Variants in OR51B5 observed in about 807,000 individuals in gnomAD.
The protein encoded by OR51B5 is olfactory receptor family 51 subfamily B member 5.
For missense variants in OR51B5, 456 were observed against 374.6 expected (o/e 1.22, Z -1.79); for synonymous variants, 186 against 144.8 (o/e 1.28, Z -2.04).
chr11:5,407,388 A>T (rs932128434), intron 1 of OR51B5, among the ~76,000 whole-genome samples: 2 of 152,280 alleles, frequency 1.3e-5, no homozygotes, highest in Admixed American at 6.5e-5. Flanking sequence ...TGCCTTAAAT[A>T]CATGAAACTT....
intron 1 of OR51B5, among the ~76,000 whole-genome samples, chr11:5,399,332 A>G (rs1017570539): frequency 1.4e-4 from 22 of 152,134 alleles, no homozygotes; most frequent in African/African-American, 5.3e-4. Flanking sequence ...ACTGTGATTG[A>G]CTCCTGAGAA....
At chr11:5,351,121 G>A (rs919408959) in intron 1 of OR51B5, among the ~76,000 whole-genome samples, 4 of 152,124 alleles carry the variant, frequency 2.6e-5, no homozygotes, top group Non-Finnish European at 4.4e-5. Context: ...TCAGGATGAA[G>A]AGCACCATGA....
chr11:5,389,854 A>C, intron 1 of OR51B5: 2 of 1,613,798 alleles, frequency 1.2e-6, no homozygotes, highest in Non-Finnish European at 8.5e-7. Context: ...CTGGCCAGCA[A>C]GTGGTCAGAG....
In OR51B5 at chr11:5,413,677, G is replaced by A. The variant is rs373437026; in HGVS notation, n.85-66767C>T. Among the ~76,000 whole-genome samples, 9 of 152,298 alleles carry A rather than the reference G, an allele frequency of 5.9e-5. No individual in the cohort carries two copies. The East Asian group carries it at 1.5e-3, about 26-fold the overall frequency. On this transcript the variant is annotated intron_variant and non_coding_transcript_variant, in intron 1 of 4. Transcript: ENST00000415970. ...CCAATGCAATCAACTGGAAGAAAGG[G>A]TATCAGTGATGGAAGATGAAATGAA...
At chr11:5,352,992 T>C (rs4910759) in intron 1 of OR51B5, among the ~76,000 whole-genome samples, 143,492 of 150,960 alleles carry the variant, frequency 0.95, 68,597 homozygotes, top group Non-Finnish European at 0.98. Flanking sequence ...TCCATATGGC[T>C]TGCATATATT....
chr11:5,467,039 T>C (rs1851148074), intron 1 of OR51B5, among the ~76,000 whole-genome samples: 1 of 152,206 alleles, frequency 6.6e-6, no homozygotes, highest in Non-Finnish European at 1.5e-5. Flanking sequence ...TTGGAAGAGC[T>C]CATTTGCTGG....
intron 1 of OR51B5, among the ~76,000 whole-genome samples, chr11:5,413,396 A>T (rs1757210169): frequency 6.6e-6 from 1 of 152,220 alleles, no homozygotes; most frequent in African/African-American, 2.4e-5. Flanking sequence ...CCTCCAAAGG[A>T]ATGCAGTTCT....
At chr11:5,422,509 T>C (rs2736587) in intron 1 of OR51B5, 648,474 of 1,613,270 alleles carry the variant, frequency 0.4, 133,881 homozygotes, top group East Asian at 0.68. Flanking sequence ...TTGCTCAGTT[T>C]TTCTTCCTTC....
intron 1 of OR51B5, among the ~76,000 whole-genome samples, chr11:5,442,372 G>A (rs1850702981): frequency 6.6e-6 from 1 of 152,258 alleles, no homozygotes; most frequent in African/African-American, 2.4e-5. Context: ...TTCTGAGAAA[G>A]AGATTTCTCT....
chr11:5,404,805 G>A (rs1485433625), intron 1 of OR51B5, among the ~76,000 whole-genome samples: 1 of 152,200 alleles, frequency 6.6e-6, no homozygotes, highest in Non-Finnish European at 1.5e-5. Flanking sequence ...ATGAACACCT[G>A]CAGATGCACC....
intron 1 of OR51B5, among the ~76,000 whole-genome samples, chr11:5,425,350 G>C (rs997391608): frequency 1.3e-4 from 20 of 152,318 alleles, no homozygotes; most frequent in Admixed American, 3.9e-4. Flanking sequence ...ATAATGTCTT[G>C]ATGAGCGATA....
intron 1 of OR51B5, chr11:5,393,316 A>T (rs1402709294): frequency 1.3e-5 from 2 of 152,236 alleles, no homozygotes; most frequent in African/African-American, 2.4e-5. Flanking sequence ...ATCAAAGCAT[A>T]TTCATTTGAT....
At chr11:5,494,938 A>G (rs1246417047) in intron 1 of OR51B5, among the ~76,000 whole-genome samples, 2 of 152,222 alleles carry the variant, frequency 1.3e-5, no homozygotes, top group African/African-American at 4.8e-5. Context: ...ACAGCAGGTG[A>G]TATGGACAAC....
intron 1 of OR51B5, among the ~76,000 whole-genome samples, chr11:5,406,960 C>T (rs4910782): frequency 0.84 from 127,504 of 152,080 alleles, 53,943 homozygotes; most frequent in Non-Finnish European, 0.89. Context: ...AAAATTTGTA[C>T]TACACCTTTT....
intron 1 of OR51B5, among the ~76,000 whole-genome samples, chr11:5,424,764 G>A (rs1174034166): frequency 1.4e-5 from 2 of 144,592 alleles, no homozygotes; most frequent in African/African-American, 5.1e-5. Flanking sequence ...GGTGGATCAC[G>A]ACGTCAGCAG....
chr11:5,357,552 C>T (rs1159173080), intron 1 of OR51B5, among the ~76,000 whole-genome samples: 1 of 151,940 alleles, frequency 6.6e-6, no homozygotes, highest in Non-Finnish European at 1.5e-5. Flanking sequence ...CCACTGTCAA[C>T]ATTAGACAGA....
intron 1 of OR51B5, among the ~76,000 whole-genome samples, chr11:5,401,880 TTCTCTCTC>T (rs148071208): frequency 4.1e-5 from 6 of 146,398 alleles, no homozygotes; most frequent in African/African-American, 1.5e-4. Context: ...TTCCTTCCTT[TTCTCTCTC>T]TTCCTTCCTT....
At chr11:5,371,270 T>A (rs1849443210) in intron 1 of OR51B5, among the ~76,000 whole-genome samples, 1 of 152,182 alleles carries the variant, frequency 6.6e-6, no homozygotes, top group African/African-American at 2.4e-5. Flanking sequence ...GTCTTTCACA[T>A]TAGGTTAATT....
At position 5,457,462 on chromosome 11, in the gene OR51B5, G is replaced by A. The variant is rs893169998; in HGVS notation, n.84+48107C>T. Among the ~76,000 whole-genome samples the A allele has an allele frequency of 4.6e-5, 7 of 152,176 alleles. No homozygotes were observed. In the South Asian group the frequency reaches 6.2e-4, roughly 14 times the overall value. ...TACAAGCGTATGTGTCTTTTTGGTA[G>A]AATGATTTATACTCCTTTGGGTATA... On this transcript the variant is annotated intron_variant and non_coding_transcript_variant, in intron 1 of 4. Coordinates refer to the OR51B5 transcript ENST00000415970.
Sources: allele counts gnomAD v4.1 joint callset (sites outside exome capture counted in the v4.1 genomes callset), GRCh38; gene constraint gnomAD v4.1.1; transcripts MANE v1.5; gene names NCBI Gene and HGNC (gene_info 2026-07-23, HGNC 2026-07-21).